Variants in SHISA9 observed in about 807,000 individuals in gnomAD.
SHISA9 encodes the protein protein shisa-9.
Under a neutral mutation model 38.0 loss-of-function variants are expected in SHISA9, and 13 were observed. That is an observed-to-expected ratio of 0.34 (90% CI 0.22 to 0.54). SHISA9 has a LOEUF of 0.54. SHISA9 is among the 20% of genes least tolerant of loss of function. SHISA9 has a pLI of 0.91. For missense variants in SHISA9, 538 were observed against 575.8 expected (o/e 0.93, Z 0.67); for synonymous variants, 275 against 242.0 (o/e 1.14, Z -1.27).
the SHISA9 span, among the ~76,000 whole-genome samples, chr16:13,446,645 A>T: frequency 6.6e-6 from 1 of 151,800 alleles, no homozygotes; most frequent in Non-Finnish European, 1.5e-5. Context: ...CTGTGTGTGT[A>T]TGTGTGTGTG....
the SHISA9 span, among the ~76,000 whole-genome samples, chr16:13,469,365 A>AAGAAAGAAAGAAAAGAAAAAGAAAG: frequency 5.3e-4 from 34 of 64,504 alleles, no homozygotes; most frequent in Non-Finnish European, 7.1e-4. Flanking sequence ...AAAGAAAAGA[A>AAGAAAGAAAGAAAAGAAAAAGAAAG]AAAGAAAGAA....
chr16:13,369,083 C>G, the SHISA9 span, among the ~76,000 whole-genome samples: 1 of 152,088 alleles, frequency 6.6e-6, no homozygotes, highest in Non-Finnish European at 1.5e-5. Flanking sequence ...AATATACTTG[C>G]TTTAGATAAA....
chr16:13,290,612 G>T, the SHISA9 span, among the ~76,000 whole-genome samples: 1 of 152,246 alleles, frequency 6.6e-6, no homozygotes, highest in East Asian at 1.9e-4. Flanking sequence ...GATAAGCTGG[G>T]AGTGACAATG....
the SHISA9 span, among the ~76,000 whole-genome samples, chr16:13,401,843 C>T: frequency 6.6e-6 from 1 of 152,196 alleles, no homozygotes; most frequent in Non-Finnish European, 1.5e-5. Context: ...TCCCGCATGG[C>T]TGGGGAGGCC....
At chr16:13,373,691 G>A in the SHISA9 span, among the ~76,000 whole-genome samples, 1 of 151,256 alleles carries the variant, frequency 6.6e-6, no homozygotes, top group Non-Finnish European at 1.5e-5. Context: ...GAACCCAGGA[G>A]GCAGAGGTTG....
Position 13,065,289 on chromosome 16 carries a change from C to A in SHISA9, c.692-138105C>A, listed in dbSNP as rs549505536. Among the ~76,000 whole-genome samples, 20 of 152,332 alleles carry A rather than the reference C, an allele frequency of 1.3e-4. No homozygotes were observed. In the South Asian group the frequency reaches 3.9e-3, roughly 30 times the overall value. The stretch of plus-strand genomic sequence containing the variant: ...CTCCCTCCCACTCCCTCATCCCTGT[C>A]CCTTTCTCTTTTTCTTTCAAACCCA... On this transcript the variant is annotated intron_variant, in intron 2 of 4. Transcript: ENST00000558583.
intron 2 of SHISA9, among the ~76,000 whole-genome samples, chr16:12,975,151 T>A (rs1229504063): frequency 1.3e-5 from 2 of 152,204 alleles, no homozygotes; most frequent in Non-Finnish European, 2.9e-5. Context: ...TTATCTTTGC[T>A]GATAATTCCA....
chr16:13,552,877 C>T, the SHISA9 span, among the ~76,000 whole-genome samples: 2 of 152,036 alleles, frequency 1.3e-5, no homozygotes, highest in Non-Finnish European at 2.9e-5. Context: ...ACAAAAGGAG[C>T]AAAAGATGAC....
intron 4 of SHISA9, among the ~76,000 whole-genome samples, chr16:13,226,819 TC>T (rs1356937389): frequency 6.6e-6 from 1 of 152,152 alleles, no homozygotes; most frequent in African/African-American, 2.4e-5. Flanking sequence ...GGGTTTCTCA[TC>T]CTCCAGGAGT....
At chr16:13,557,576 G>A in the SHISA9 span, among the ~76,000 whole-genome samples, 18 of 152,146 alleles carry the variant, frequency 1.2e-4, no homozygotes, top group African/African-American at 4.1e-4. Flanking sequence ...TTTCCCTGAT[G>A]GGAGCAGAAT....
the SHISA9 span, among the ~76,000 whole-genome samples, chr16:13,517,815 G>A: frequency 2.0e-5 from 3 of 152,176 alleles, no homozygotes; most frequent in Non-Finnish European, 4.4e-5. Flanking sequence ...TCTTGTCTAA[G>A]CTAATCCTCA....
At chr16:13,156,204 C>T (rs1016099152) in intron 2 of SHISA9, among the ~76,000 whole-genome samples, 1 of 152,102 alleles carries the variant, frequency 6.6e-6, no homozygotes, top group African/African-American at 2.4e-5. Context: ...CGGTGCTTAC[C>T]TAATAGAAAA....
chr16:13,349,787 G>C, the SHISA9 span, among the ~76,000 whole-genome samples: 4 of 152,188 alleles, frequency 2.6e-5, no homozygotes, highest in African/African-American at 4.8e-5. Context: ...TTCATGTAGG[G>C]ATGGTTACTT....
intron 2 of SHISA9, among the ~76,000 whole-genome samples, chr16:13,058,648 A>G (rs2141907351): frequency 6.6e-6 from 1 of 152,324 alleles, no homozygotes; most frequent in Admixed American, 6.5e-5. Context: ...ATGTAAGGGA[A>G]AAGTGTCATC....
chr16:13,111,228 A>G (rs1452954022), intron 2 of SHISA9, among the ~76,000 whole-genome samples: 1 of 152,192 alleles, frequency 6.6e-6, no homozygotes, highest in Non-Finnish European at 1.5e-5. Flanking sequence ...TCTGCACAGC[A>G]AAAGAAACTA....
the SHISA9 span, among the ~76,000 whole-genome samples, chr16:13,425,331 A>G: frequency 2.6e-5 from 4 of 152,198 alleles, no homozygotes; most frequent in Non-Finnish European, 4.4e-5. Flanking sequence ...TCCTAAAAAT[A>G]CAAAAATTAT....
At chr16:13,094,767 C>A (rs2073809482) in intron 2 of SHISA9, among the ~76,000 whole-genome samples, 1 of 152,120 alleles carries the variant, frequency 6.6e-6, no homozygotes, top group Non-Finnish European at 1.5e-5. Context: ...AAGGGCATGG[C>A]CTTTATGGTT....
intron 2 of SHISA9, among the ~76,000 whole-genome samples, chr16:13,172,978 C>A (rs1480286656): frequency 6.6e-6 from 1 of 151,996 alleles, no homozygotes; most frequent in Non-Finnish European, 1.5e-5. Context: ...GCCGTGTGCT[C>A]CCAAGTAAAG....
intron 2 of SHISA9, among the ~76,000 whole-genome samples, chr16:13,009,049 A>T (rs4781382): frequency 0.19 from 28,167 of 151,898 alleles, 3,545 homozygotes; most frequent in Middle Eastern, 0.32. Flanking sequence ...GCACTTCATG[A>T]ATGTCCGTTA....
Sources: gnomAD v4.1 joint callset for allele counts (sites outside exome capture counted in the v4.1 genomes callset) on GRCh38, gnomAD v4.1.1 for gene constraint, MANE v1.5 for transcripts, NCBI Gene and HGNC (gene_info 2026-07-23, HGNC 2026-07-21) for gene names.